The following SDK1 variants were observed in gnomAD, a reference collection of about 807,000 sequenced individuals.
The protein encoded by SDK1 is protein sidekick-1.
In SDK1, 157 loss-of-function variants were observed where a neutral mutation model predicts 245.5. The observed-to-expected ratio is 0.64, with a 90% CI of 0.56 to 0.73. The LOEUF is 0.73. Among genes scored for constraint, SDK1 ranks in the 30% least tolerant of loss-of-function variants. SDK1 has a pLI of 0.00. For synonymous variants in SDK1, 1,647 were observed against 1,278.5 expected, an observed-to-expected ratio of 1.29 and a Z score of -6.15; for missense variants, 3,583 against 3,002.3, an observed-to-expected ratio of 1.19 and a Z score of -4.52.
At chr7:3,685,214 T>TAA (rs35896405) in intron 4 of SDK1, among the ~76,000 whole-genome samples, 1,762 of 148,996 alleles carry the variant, frequency 0.012, 64 homozygotes, top group Admixed American at 0.068. Flanking sequence ...AACATTAAGT[T>TAA]AAAAAAAAAA....
At position 3,551,851 on chromosome 7, in the gene SDK1, T is replaced by G. The variant is rs139103563; in HGVS notation, c.299-67229T>G. On this transcript the variant is annotated intron_variant, in intron 1 of 44. Transcript: ENST00000404826. ...CCACTGCACCTGGCCTAAATTTTTT[T>G]TTGTTGTTGTTTTTAAGGAACAATT... 3.2e-3 allele frequency among the ~76,000 whole-genome samples: 481 copies of G among 152,212 alleles called. 3 individuals are homozygous for G. Among genetic ancestry groups the G allele is most frequent in the South Asian group, 0.019 (94 of 4,828 alleles).
chr7:3,842,256 C>G (rs1265476986), intron 5 of SDK1, among the ~76,000 whole-genome samples: 1 of 152,242 alleles, frequency 6.6e-6, no homozygotes, highest in Non-Finnish European at 1.5e-5. Context: ...TATCCTTCCT[C>G]TCCCCAGACC....
intron 20 of SDK1, among the ~76,000 whole-genome samples, chr7:4,072,954 C>T (rs1013510844): frequency 3.9e-5 from 6 of 152,234 alleles, no homozygotes; most frequent in African/African-American, 1.4e-4. Flanking sequence ...TCAGCGTCCT[C>T]CACTCTCCTT....
In SDK1 at chr7:4,254,348, A is replaced by G. The variant is rs75692280; in HGVS notation, c.6381+8543A>G. On this transcript the variant is annotated intron_variant, in intron 44 of 44. Transcript: ENST00000404826. ...TCTTCAGACTGCGTAATCTCTATCA[A>G]TCTATCTTTAAGTGAACTGATTCTT... Among the ~76,000 whole-genome samples, 51 of 152,228 alleles carry G rather than the reference A, an allele frequency of 3.4e-4. No individual in the cohort carries two copies. In the East Asian group the frequency reaches 6.8e-3, roughly 20 times the overall value.
At chr7:4,064,465 G>T (rs1259306952) in intron 19 of SDK1, among the ~76,000 whole-genome samples, 1 of 152,132 alleles carries the variant, frequency 6.6e-6, no homozygotes, top group Non-Finnish European at 1.5e-5. Flanking sequence ...TACACTGTTG[G>T]TGATGATGTA....
At chr7:3,331,457 C>T (rs568267122) in intron 1 of SDK1, among the ~76,000 whole-genome samples, 1 of 152,294 alleles carries the variant, frequency 6.6e-6, no homozygotes, top group African/African-American at 2.4e-5. Context: ...TGGGGAAATA[C>T]ATATCAGATC....
intron 4 of SDK1, among the ~76,000 whole-genome samples, chr7:3,799,311 T>C (rs1032552436): frequency 1.3e-5 from 2 of 151,986 alleles, no homozygotes; most frequent in South Asian, 2.1e-4. Flanking sequence ...CTATCTCAAA[T>C]TGTGGCATGT....
chr7:3,875,838 C>G (rs1274135137), intron 5 of SDK1, among the ~76,000 whole-genome samples: 1 of 152,120 alleles, frequency 6.6e-6, no homozygotes, highest in Non-Finnish European at 1.5e-5. Context: ...CACCTTCAGG[C>G]CCCTTAATAT....
Position 4,127,945 on chromosome 7 carries a change from G to A in SDK1, c.3939+449G>A, listed in dbSNP as rs534242514. Reference sequence around the variant, plus strand: ...TGTGAAGGGCTGGGTGAGGTGGATCGCTGTGTGCATGTTTCTATGTGTGTC... The same window carrying A: ...TGTGAAGGGCTGGGTGAGGTGGATCACTGTGTGCATGTTTCTATGTGTGTC... On this transcript the variant is annotated intron_variant, in intron 26 of 44. Transcript: ENST00000404826. Among the ~76,000 whole-genome samples the A allele has an allele frequency of 2.0e-4, 31 of 152,306 alleles. 1 individual carries two copies. In the South Asian group the frequency reaches 5.4e-3, roughly 27 times the overall value.
chr7:3,557,158 AT>A (rs1779614499), intron 1 of SDK1, among the ~76,000 whole-genome samples: 1 of 152,152 alleles, frequency 6.6e-6, no homozygotes, highest in Non-Finnish European at 1.5e-5. Flanking sequence ...AAATCAATGT[AT>A]CAAAAACCTG....
intron 1 of SDK1, among the ~76,000 whole-genome samples, chr7:3,356,491 G>A (rs1208926627): frequency 1.3e-5 from 2 of 152,064 alleles, no homozygotes; most frequent in Non-Finnish European, 2.9e-5. Context: ...CAGTATATTT[G>A]GATGATCTAA....
chr7:3,958,190 T>A, intron 7 of SDK1: 1 of 324,656 alleles, frequency 3.1e-6, no homozygotes, highest in Non-Finnish European at 6.0e-6. Context: ...AACAGCCTTT[T>A]GTTATCATGA....
intron 22 of SDK1, among the ~76,000 whole-genome samples, chr7:4,102,767 G>A (rs542138372): frequency 8.7e-4 from 133 of 152,176 alleles, no homozygotes; most frequent in African/African-American, 2.9e-3. Flanking sequence ...GCCAAACCCC[G>A]GCCAGACCTG....
chr7:3,640,999 T>A (rs1024493313), intron 3 of SDK1, among the ~76,000 whole-genome samples: 1 of 152,058 alleles, frequency 6.6e-6, no homozygotes, highest in East Asian at 1.9e-4. Flanking sequence ...TTTTTTTTTT[T>A]AATCTTTCTT....
chr7:3,933,029 A>G (rs1257471548), intron 5 of SDK1, among the ~76,000 whole-genome samples: 4 of 151,018 alleles, frequency 2.6e-5, no homozygotes, highest in African/African-American at 9.7e-5. Context: ...CCGTGCTGGT[A>G]GACGACACAG....
At chr7:3,875,727 C>T (rs1392619986) in intron 5 of SDK1, among the ~76,000 whole-genome samples, 1 of 152,142 alleles carries the variant, frequency 6.6e-6, no homozygotes, top group Non-Finnish European at 1.5e-5. Context: ...CAGACTTGAC[C>T]AGTACTTTCT....
chr7:3,557,493 TCA>T (rs1177739034), intron 1 of SDK1, among the ~76,000 whole-genome samples: 7 of 152,194 alleles, frequency 4.6e-5, no homozygotes, highest in African/African-American at 1.7e-4. Flanking sequence ...ATAGAAATGT[TCA>T]GTGTCTTGAT....
At chr7:4,204,097 G>T (rs1187198623) in intron 35 of SDK1, among the ~76,000 whole-genome samples, 1 of 152,374 alleles carries the variant, frequency 6.6e-6, no homozygotes. Flanking sequence ...AAACCCTGGG[G>T]CTGTCGCGGG....
rs1009588239 is a variant in SDK1, at chr7:4,178,367, A to G, written c.4997-118A>G. 20 of 761,430 alleles carry G rather than the reference A, an allele frequency of 2.6e-5. 1 individual carries two copies. The highest frequency in any genetic ancestry group is 1.9e-4 in the African/African-American group (11 of 58,062). 47.2% of individuals were successfully genotyped at this position (761,430 alleles called of 1,614,324 possible). A position where few individuals can be genotyped will look rare whatever the true frequency, so the allele number is the denominator to read the frequency against. On this transcript the variant is annotated intron_variant, in intron 34 of 44. Coordinates refer to ENST00000404826, the MANE Select transcript of SDK1 (RefSeq NM_152744.4). Reference sequence around the variant, plus strand: ...GCAGGTATTTCACAGATTTCTAACAATCCCGCCTCCTCTCCTTGGAGGGTG... The same window carrying G: ...GCAGGTATTTCACAGATTTCTAACAGTCCCGCCTCCTCTCCTTGGAGGGTG...
Sources: allele counts gnomAD v4.1 joint callset (sites outside exome capture counted in the v4.1 genomes callset), GRCh38; gene constraint gnomAD v4.1.1; transcripts MANE v1.5; gene names NCBI Gene and HGNC (gene_info 2026-07-23, HGNC 2026-07-21).